The following WDFY4 variants were observed in gnomAD, a reference collection of about 807,000 sequenced individuals.
The protein encoded by WDFY4 is WD repeat- and FYVE domain-containing protein 4.
In WDFY4, 169 loss-of-function variants were observed where a neutral mutation model predicts 351.9. The ratio of observed to expected loss-of-function variants is 0.48; its 90% CI spans 0.42 to 0.55. WDFY4 has a LOEUF of 0.55. Ranked by LOEUF, WDFY4 falls within the 20% of genes least tolerant of loss-of-function variation. The pLI is 0.00. For synonymous variants in WDFY4, 1,622 were observed against 1,574.6 expected, an observed-to-expected ratio of 1.03 and a Z score of -0.71; for missense variants, 3,803 against 3,935.6, an observed-to-expected ratio of 0.97 and a Z score of 0.90.
rs1471586401 is a variant in WDFY4 at position 48,787,884 on chromosome 10, TCTTCTTCTC to T, written c.3809-637_3809-629del. On this transcript the variant is annotated intron_variant, in intron 20 of 61. Transcript: ENST00000325239. ...TTCTTCTTCTTTCTTCTTTCTTTCTTCTTCTTCTCCTTCTTCTTCTTCTTCTTCTTCTTC... is the reference window on the plus strand; with the variant it reads ...TTCTTCTTCTTTCTTCTTTCTTTCTTCTTCTTCTTCTTCTTCTTCTTCTTC... Among the ~76,000 whole-genome samples, 192 of 89,890 alleles carry T rather than the reference TCTTCTTCTC, an allele frequency of 2.1e-3. 19 individuals are homozygous for T. Among genetic ancestry groups the T allele is most frequent in the African/African-American group, 7.6e-3 (99 of 13,036 alleles). 59.0% of individuals were successfully genotyped at this position (89,890 alleles called of 152,430 possible). A position where few individuals can be genotyped will look rare whatever the true frequency, so the allele number is the denominator to read the frequency against.
At position 48,867,252 on chromosome 10, in the gene WDFY4, C is replaced by T. The variant is rs2069581670; in HGVS notation, c.6664-13C>T. The T allele has an allele frequency of 7.4e-7, 1 of 1,349,432 alleles. No individual in the cohort carries two copies. The highest frequency in any genetic ancestry group is 1.5e-5 in the African/African-American group (1 of 65,312). 83.6% of individuals were successfully genotyped at this position (1,349,432 alleles called of 1,614,324 possible). The stretch of plus-strand genomic sequence containing the variant: ...CTATCATTAAGCTGTGACTTGTTTT[C>T]TCCTTTCTCCAGGATTTTGTGTCAT... On this transcript the variant is annotated splice_polypyrimidine_tract_variant and intron_variant, in intron 39 of 61. Transcript: ENST00000325239.
At chr10:48,732,629 G>A (rs917760168) in intron 9 of WDFY4, among the ~76,000 whole-genome samples, 4 of 152,182 alleles carry the variant, frequency 2.6e-5, no homozygotes, top group East Asian at 1.9e-4. Context: ...GACTTAACCC[G>A]TACGAGCCGT....
chr10:48,826,847 C>A lies in WDFY4; in HGVS notation c.6159C>A (p.Tyr2053Ter). ...QEHWDVVFAT[Y>*]NSNISFLLCL... is the part of the protein sequence containing the mutation. ...ACTGGGATGTTGTCTTTGCCACCTA[C>A]AATTCCAACATCAGCTTCCTCCTGT... The change falls in exon 36 of 62, where the codon TAC becomes TAA. Residue 2053 changes from tyrosine to a stop codon, truncating the protein, a stop_gained. Transcript: ENST00000325239. LOFTEE classifies it high-confidence loss of function. The A allele has an allele frequency of 6.4e-7, 1 of 1,551,838 alleles. No individual in the cohort carries two copies. The highest frequency in any genetic ancestry group is 2.0e-5 in the Admixed American group (1 of 51,006).
intron 12 of WDFY4, among the ~76,000 whole-genome samples, chr10:48,757,853 A>G (rs2065382232): frequency 6.6e-6 from 1 of 152,002 alleles, no homozygotes; most frequent in Non-Finnish European, 1.5e-5. Context: ...ACTATTTCAA[A>G]TGGATTATAG....
chr10:48,786,493 A>G (rs1464908842), intron 19 of WDFY4, 146 bp from the exon 20 acceptor site: 31 of 631,120 alleles, frequency 4.9e-5, no homozygotes, highest in Non-Finnish European at 6.4e-5. Flanking sequence ...TACTTCTGAG[A>G]TTTGAGAATT....
At chr10:48,789,212 C>T (rs2066596467) in intron 21 of WDFY4, among the ~76,000 whole-genome samples, 1 of 152,036 alleles carries the variant, frequency 6.6e-6, no homozygotes, top group South Asian at 2.1e-4. Flanking sequence ...CAAATAAAAA[C>T]AGTAAATTTT....
chr10:48,821,433 A>T (rs576554545), intron 34 of WDFY4, among the ~76,000 whole-genome samples: 2 of 152,212 alleles, frequency 1.3e-5, no homozygotes, highest in Non-Finnish European at 2.9e-5. Flanking sequence ...TCTAAGCAAA[A>T]ATCGGCTCTC....
chr10:48,859,120 T>G (rs1294257079), intron 39 of WDFY4, among the ~76,000 whole-genome samples: 1 of 152,182 alleles, frequency 6.6e-6, no homozygotes, highest in Non-Finnish European at 1.5e-5. Flanking sequence ...TTGTTTTGCT[T>G]TGTTGTAAAT....
At chr10:48,900,347 G>A (rs914046172) in intron 46 of WDFY4, 41 bp downstream of exon 46, 1 of 1,513,892 alleles carries the variant, frequency 6.6e-7, no homozygotes, top group Non-Finnish European at 9.0e-7. Context: ...AACTGATCCT[G>A]AACTGAGAGC....
chr10:48,972,678 G>C (rs1049430358), intron 57 of WDFY4, among the ~76,000 whole-genome samples: 4 of 152,168 alleles, frequency 2.6e-5, no homozygotes, highest in Non-Finnish European at 5.9e-5. Context: ...CTAGGTTGCT[G>C]TTTGCTTCTG....
At chr10:48,777,785 C>A (rs1417349603) in intron 17 of WDFY4, among the ~76,000 whole-genome samples, 3 of 152,200 alleles carry the variant, frequency 2.0e-5, no homozygotes, top group Non-Finnish European at 2.9e-5. Flanking sequence ...TTGCCTTGGT[C>A]CTGAGTATCT....
chr10:48,770,929 G>A (rs867596081), intron 13 of WDFY4, among the ~76,000 whole-genome samples: 2 of 152,324 alleles, frequency 1.3e-5, no homozygotes, highest in South Asian at 2.1e-4. Flanking sequence ...ATTTCAGAAT[G>A]GCAAAATGCA....
At chr10:48,787,675 A>T (rs1303841497) in intron 20 of WDFY4, among the ~76,000 whole-genome samples, 1 of 152,172 alleles carries the variant, frequency 6.6e-6, no homozygotes, top group Non-Finnish European at 1.5e-5. Context: ...GAATGAGGTT[A>T]TATACTTTAC....
At chr10:48,808,550 C>T (rs1443524520) in intron 28 of WDFY4, among the ~76,000 whole-genome samples, 1 of 152,242 alleles carries the variant, frequency 6.6e-6, no homozygotes, top group African/African-American at 2.4e-5. Flanking sequence ...ATGCCAGACA[C>T]TGTTCCCAGC....
At chr10:48,954,877 T>C (rs1312453382) in intron 51 of WDFY4, among the ~76,000 whole-genome samples, 1 of 152,256 alleles carries the variant, frequency 6.6e-6, no homozygotes, top group East Asian at 1.9e-4. Context: ...TTACTTTAGC[T>C]AAAATGCATT....
intron 1 of WDFY4, among the ~76,000 whole-genome samples, chr10:48,696,591 C>T (rs973063798): frequency 6.6e-6 from 1 of 152,248 alleles, no homozygotes; most frequent in African/African-American, 2.4e-5. Context: ...GACTCAGCGG[C>T]CAGCCCAGGG....
chr10:48,871,082 T>TGGG (rs2133272570), intron 40 of WDFY4, among the ~76,000 whole-genome samples: 1 of 152,112 alleles, frequency 6.6e-6, no homozygotes, highest in Admixed American at 6.5e-5. Context: ...TACAGGCACC[T>TGGG]GCCACCACGC....
chr10:48,784,530 C>CT (rs71465479), intron 19 of WDFY4, among the ~76,000 whole-genome samples: 781 of 26,812 alleles, frequency 0.029, 316 homozygotes, highest in Admixed American at 0.038. Flanking sequence ...GCATTGTTTG[C>CT]TTTTTTTTTT....
At chr10:48,959,404 C>A (rs1564530181) in intron 52 of WDFY4, among the ~76,000 whole-genome samples, 1 of 152,038 alleles carries the variant, frequency 6.6e-6, no homozygotes, top group South Asian at 2.1e-4. Context: ...TAAAAAGCAC[C>A]CAGAAGAAAG....
Sources: gnomAD v4.1 joint callset for allele counts (sites outside exome capture counted in the v4.1 genomes callset) on GRCh38, gnomAD v4.1.1 for gene constraint, MANE v1.5 for transcripts, NCBI Gene and HGNC (gene_info 2026-07-23, HGNC 2026-07-21) for gene names.